Variants in PCDH15 observed in about 807,000 individuals in gnomAD.
PCDH15 encodes the protein protocadherin related 15, also known as protocadherin-15.
PCDH15 carries 129 observed loss-of-function variants against 178.5 expected under a neutral mutation model. That is an observed-to-expected ratio of 0.72 (90% confidence interval 0.63 to 0.84). PCDH15 has a LOEUF of 0.84. Among genes scored for constraint, PCDH15 ranks in the 40% least tolerant of loss-of-function variants. The pLI is 0.00. For synonymous variants in PCDH15, 800 were observed against 732.0 expected, an observed-to-expected ratio of 1.09 and a Z score of -1.50; for missense variants, 2,230 against 2,099.9, an observed-to-expected ratio of 1.06 and a Z score of -1.21.
At chr10:55,622,121 ATATATATAT>A (rs1310174459) in intron 2 of PCDH15, among the ~76,000 whole-genome samples, 28 of 67,354 alleles carry the variant, frequency 4.2e-4, no homozygotes, top group African/African-American at 1.0e-3. Flanking sequence ...ATATCTATAA[ATATATATAT>A]TATATATATT....
At chr10:53,947,047 T>C (rs2086636183) in intron 23 of PCDH15, among the ~76,000 whole-genome samples, 1 of 152,166 alleles carries the variant, frequency 6.6e-6, no homozygotes. Context: ...AAGTGCAGGA[T>C]TACAGGTGTG....
intron 1 of PCDH15, among the ~76,000 whole-genome samples, chr10:54,757,855 A>G (rs911913251): frequency 2.0e-5 from 3 of 152,160 alleles, no homozygotes; most frequent in African/African-American, 7.2e-5. Flanking sequence ...AGTTAAAGCC[A>G]AACATCATGG....
intron 27 of PCDH15, among the ~76,000 whole-genome samples, chr10:53,865,943 C>T (rs2133146608): frequency 6.6e-6 from 1 of 152,228 alleles, no homozygotes; most frequent in Non-Finnish European, 1.5e-5. Context: ...ATAACCCATG[C>T]TTTCAAGTTG....
chr10:55,419,957 G>A (rs1199504059), intron 2 of PCDH15, among the ~76,000 whole-genome samples: 1 of 151,642 alleles, frequency 6.6e-6, no homozygotes, highest in African/African-American at 2.4e-5. Context: ...GTTTTTGCAT[G>A]GCTCATTAGC....
intron 28 of PCDH15, among the ~76,000 whole-genome samples, chr10:53,851,933 T>C (rs2078406953): frequency 6.6e-6 from 1 of 151,684 alleles, no homozygotes; most frequent in African/African-American, 2.4e-5. Flanking sequence ...AGTAAAGCTC[T>C]ACTATAATTG....
chr10:54,030,869 A>C (rs2093272286), intron 18 of PCDH15, among the ~76,000 whole-genome samples: 1 of 151,884 alleles, frequency 6.6e-6, no homozygotes, highest in South Asian at 2.1e-4. Flanking sequence ...GTTACCACTG[A>C]TGTTTCTTTC....
At chr10:54,519,752 C>T (rs1261400062) in intron 3 of PCDH15, among the ~76,000 whole-genome samples, 1 of 152,092 alleles carries the variant, frequency 6.6e-6, no homozygotes, top group African/African-American at 2.4e-5. Context: ...CCCGCATCAC[C>T]AAGTCAATCC....
chr10:55,445,915 T>G (rs999645403), intron 2 of PCDH15, among the ~76,000 whole-genome samples: 1 of 152,052 alleles, frequency 6.6e-6, no homozygotes, highest in Non-Finnish European at 1.5e-5. Context: ...GAGAAGCCTT[T>G]CACTTGAGAA....
intron 27 of PCDH15, among the ~76,000 whole-genome samples, chr10:53,858,111 C>A (rs1441190614): frequency 6.6e-6 from 1 of 152,080 alleles, no homozygotes; most frequent in African/African-American, 2.4e-5. Flanking sequence ...TTATCCAATA[C>A]TGATATAAAA....
intron 1 of PCDH15, among the ~76,000 whole-genome samples, chr10:54,701,226 A>G (rs1310839604): frequency 1.3e-5 from 2 of 152,134 alleles, no homozygotes; most frequent in Non-Finnish European, 2.9e-5. Flanking sequence ...TAAGTGAAAG[A>G]GATTAAGATT....
Position 55,103,479 on chromosome 10 carries a change from A to C in PCDH15, c.-80+63097T>G, listed in dbSNP as rs1239783128. Among the ~76,000 whole-genome samples the C allele has an allele frequency of 4.6e-5, 7 of 151,936 alleles. 1 individual carries two copies. The highest frequency in any genetic ancestry group is 1.2e-4 in the African/African-American group (5 of 41,362). ...CATGATGTTTTTTGTTATATCCACA[A>C]TCTCTTTCATGATTTTCTTGATTGG... On this transcript the variant is annotated intron_variant, in intron 2 of 5. Coordinates refer to the PCDH15 transcript ENST00000458638.
rs1335166571 is a variant in PCDH15, at chr10:54,213,936, C to T, written c.1098G>A (p.Lys366=). ...DFHQKFDLVI[K]AEQDNGHPLP... ...GAAATAAGATATTAGCTTAATTTAC[C>T]TTAATAACCAAATCAAATTTCTGGT... is the stretch of plus-strand genomic sequence containing the variant. Residue 366 remains lysine, a splice_region_variant and synonymous_variant, in exon 10 of 38, where the codon AAG becomes AAA. Coordinates refer to ENST00000644397, the MANE Select transcript of PCDH15 (RefSeq NM_001384140.1). The T allele has an allele frequency of 6.4e-7, 1 of 1,555,156 alleles. No homozygotes were observed. Among genetic ancestry groups the T allele is most frequent in the Non-Finnish European group, 8.9e-7 (1 of 1,127,244 alleles).
rs137906026 is a variant in PCDH15 at position 55,234,641 on chromosome 10, A to G, written c.-155-67990T>C. ...AGCAATCCACCTACCTCGGCCTCCC[A>G]AAGTGCTAGGATTACAGATGTGAGC... On this transcript the variant is annotated intron_variant, in intron 1 of 5. Transcript: ENST00000458638. Among the ~76,000 whole-genome samples, 1,495 of 152,176 alleles carry G rather than the reference A, an allele frequency of 9.8e-3. 36 individuals carry two copies. The highest frequency in any genetic ancestry group is 0.034 in the African/African-American group (1,414 of 41,466).
chr10:54,618,908 G>T (rs2093270442), intron 2 of PCDH15, among the ~76,000 whole-genome samples: 1 of 151,880 alleles, frequency 6.6e-6, no homozygotes, highest in Non-Finnish European at 1.5e-5. Context: ...AAAAAAATTT[G>T]TATCTGCAGA....
At chr10:55,509,738 A>G (rs1840838146) in intron 2 of PCDH15, among the ~76,000 whole-genome samples, 1 of 151,828 alleles carries the variant, frequency 6.6e-6, no homozygotes, top group Non-Finnish European at 1.5e-5. Flanking sequence ...TTTGGCAGCA[A>G]TCTACATTTA....
At chr10:54,075,981 T>A (rs1222219934) in intron 17 of PCDH15, among the ~76,000 whole-genome samples, 1 of 152,134 alleles carries the variant, frequency 6.6e-6, no homozygotes, top group African/African-American at 2.4e-5. Flanking sequence ...TTTAAAAAAA[T>A]TATTTCTACA....
At chr10:55,621,202 G>C (rs761659214) in intron 2 of PCDH15, among the ~76,000 whole-genome samples, 1 of 152,146 alleles carries the variant, frequency 6.6e-6, no homozygotes, top group Non-Finnish European at 1.5e-5. Context: ...TTTTAGCAAA[G>C]AAGAAATAAA....
intron 2 of PCDH15, among the ~76,000 whole-genome samples, chr10:55,389,646 G>A (rs2488832): frequency 0.027 from 4,145 of 152,002 alleles, 184 homozygotes; most frequent in African/African-American, 0.093. Context: ...TTGGCATCCC[G>A]GGAAGCTGCC....
chr10:53,859,289 T>C (rs2078953307), intron 27 of PCDH15, among the ~76,000 whole-genome samples: 1 of 152,108 alleles, frequency 6.6e-6, no homozygotes, highest in Non-Finnish European at 1.5e-5. Flanking sequence ...AATTCCACCA[T>C]CTGTTGGGAG....
Sources: gnomAD v4.1 joint callset for allele counts (sites outside exome capture counted in the v4.1 genomes callset) on GRCh38, gnomAD v4.1.1 for gene constraint, MANE v1.5 for transcripts, NCBI Gene and HGNC (gene_info 2026-07-23, HGNC 2026-07-21) for gene names.